The following TMCC1 variants were observed in gnomAD, a reference collection of about 807,000 sequenced individuals.
TMCC1 encodes the protein transmembrane and coiled-coil domains protein 1.
TMCC1 carries 15 observed loss-of-function variants against 52.4 expected under a neutral mutation model. The observed-to-expected ratio is 0.29, with a 90% CI of 0.19 to 0.44. The LOEUF (loss-of-function observed/expected upper bound fraction) is 0.44. Among genes scored for constraint, TMCC1 ranks in the 20% least tolerant of loss-of-function variants. The probability of loss-of-function intolerance (pLI) is 1.00; values close to 1 mark genes in which losing one functional copy is unlikely to be tolerated. For missense variants in TMCC1, 503 were observed against 806.0 expected (o/e 0.62, Z 4.55); for synonymous variants, 279 against 301.9 (o/e 0.92, Z 0.79).
chr3:129,655,225 C>G lies in TMCC1; in HGVS notation c.1512-122G>C, dbSNP rs994908938. On this transcript the variant is annotated intron_variant, in intron 5 of 6. Coordinates refer to ENST00000393238, the MANE Select transcript of TMCC1 (RefSeq NM_001017395.5). ...ATAGAAGCACAAAGAAATTGAGTGG[C>G]CTGGGTTAACAGGGTGTGCCAGTGG... 3.2e-6 allele frequency: 4 copies of G among 1,245,414 alleles called. No homozygotes were observed. The African/African-American group carries it at 6.0e-5, about 19-fold the overall frequency. 77.1% of individuals were successfully genotyped at this position (1,245,414 alleles called of 1,614,324 possible). A position where few individuals can be genotyped will look rare whatever the true frequency, so the allele number is the denominator to read the frequency against.
intron 4 of TMCC1, among the ~76,000 whole-genome samples, chr3:129,822,316 T>G (rs1417115028): frequency 6.6e-6 from 1 of 152,186 alleles, no homozygotes; most frequent in Non-Finnish European, 1.5e-5. Flanking sequence ...GGCACATGCC[T>G]ATAGTCCTAG....
chr3:129,712,609 A>G (rs911892410), intron 4 of TMCC1, among the ~76,000 whole-genome samples: 2 of 151,938 alleles, frequency 1.3e-5, no homozygotes, highest in African/African-American at 2.4e-5. Context: ...TACCATGCCC[A>G]GCTAATTAAA....
chr3:129,715,547 C>G (rs146559115), intron 4 of TMCC1, among the ~76,000 whole-genome samples: 3 of 152,284 alleles, frequency 2.0e-5, no homozygotes, highest in Non-Finnish European at 2.9e-5. Flanking sequence ...CTCAAACAAA[C>G]AAACAAACAA....
At chr3:129,808,718 C>G (rs1300281898) in intron 4 of TMCC1, among the ~76,000 whole-genome samples, 2 of 149,532 alleles carry the variant, frequency 1.3e-5, no homozygotes, top group African/African-American at 4.9e-5. Context: ...TGAAATATAA[C>G]TAAAATTTTA....
intron 4 of TMCC1, among the ~76,000 whole-genome samples, chr3:129,770,652 AAAAT>A (rs1480176236): frequency 6.6e-6 from 1 of 152,098 alleles, no homozygotes; most frequent in African/African-American, 2.4e-5. Flanking sequence ...AAAATAAAAT[AAAAT>A]AGATAAAATG....
intron 2 of TMCC1, among the ~76,000 whole-genome samples, chr3:129,864,548 G>A (rs908390192): frequency 3.9e-5 from 6 of 152,170 alleles, no homozygotes; most frequent in African/African-American, 1.4e-4. Flanking sequence ...CCAGCACTCT[G>A]GGAGGCTGAG....
rs149487248 is a variant in TMCC1, at chr3:129,869,334, T to C, written c.-184+10975A>G. ...TAGCTTGCCCTATGTATTTATTTCATTTAGCTGTTCCTGAGTTGTACCCTT... is the reference window on the plus strand; with the variant it reads ...TAGCTTGCCCTATGTATTTATTTCACTTAGCTGTTCCTGAGTTGTACCCTT... On this transcript the variant is annotated intron_variant, in intron 2 of 6. Transcript: ENST00000393238. Among the ~76,000 whole-genome samples the C allele has an allele frequency of 4.6e-5, 7 of 152,318 alleles. No individual in the cohort carries two copies. The East Asian group carries it at 1.3e-3, about 29-fold the overall frequency.
chr3:129,859,866 A>G (rs1364746325), intron 2 of TMCC1, among the ~76,000 whole-genome samples: 1 of 152,128 alleles, frequency 6.6e-6, no homozygotes, highest in African/African-American at 2.4e-5. Context: ...TATATGTTTA[A>G]ACTTAAAAAT....
chr3:129,755,321 G>T (rs893618983), intron 4 of TMCC1, among the ~76,000 whole-genome samples: 1 of 151,998 alleles, frequency 6.6e-6, no homozygotes, highest in African/African-American at 2.4e-5. Flanking sequence ...GTAATAAATT[G>T]TACATGTACC....
chr3:129,788,387 G>A (rs923334295), intron 4 of TMCC1, among the ~76,000 whole-genome samples: 1 of 152,056 alleles, frequency 6.6e-6, no homozygotes, highest in Non-Finnish European at 1.5e-5. Flanking sequence ...ATTTCCTATA[G>A]GGAGGTCATT....
At position 129,827,836 on chromosome 3, in the gene TMCC1, TGCAGCA is replaced by T. The variant is rs759420997; in HGVS notation, c.537_542del (p.Ala180_Ala181del). The T allele has an allele frequency of 2.5e-6, 4 of 1,601,136 alleles. No homozygotes were observed. Among genetic ancestry groups the T allele is most frequent in the South Asian group, 1.1e-5 (1 of 89,970 alleles). Reference sequence around the variant, plus strand: ...CAGTTCCCTCCTCTCCTGGTAGACATGCAGCAGCAGCAGCAGCAGCAGCACAAGCTA... The same window carrying T: ...CAGTTCCCTCCTCTCCTGGTAGACATGCAGCAGCAGCAGCAGCACAAGCTA... On this transcript the variant is annotated inframe_deletion, in exon 4 of 7. Transcript: ENST00000393238.
intron 4 of TMCC1, chr3:129,688,647 C>T (rs1194941929): frequency 2.0e-6 from 2 of 985,376 alleles, no homozygotes; most frequent in Non-Finnish European, 2.4e-6. Flanking sequence ...TAGGAGAACT[C>T]TGTGCTGAAT....
chr3:129,680,854 G>A (rs923079875), intron 4 of TMCC1, among the ~76,000 whole-genome samples: 1 of 151,036 alleles, frequency 6.6e-6, no homozygotes, highest in Non-Finnish European at 1.5e-5. Context: ...GAGCTGAGAT[G>A]GAACCACTGC....
At chr3:129,669,846 C>T (rs2087772302) in intron 5 of TMCC1, among the ~76,000 whole-genome samples, 1 of 152,150 alleles carries the variant, frequency 6.6e-6, no homozygotes, top group Non-Finnish European at 1.5e-5. Flanking sequence ...TGTTTAAGTC[C>T]ACTCTCATTC....
At chr3:129,840,050 G>A (rs1308283700) in intron 2 of TMCC1, among the ~76,000 whole-genome samples, 7 of 149,014 alleles carry the variant, frequency 4.7e-5, no homozygotes, top group African/African-American at 1.5e-4. Flanking sequence ...AGACCAGGCC[G>A]GGTGTAATGG....
Position 129,753,947 on chromosome 3 carries a change from C to CAAA in TMCC1, c.576+73853_576+73855dup, listed in dbSNP as rs140879279. 6.1e-4 allele frequency among the ~76,000 whole-genome samples: 83 copies of CAAA among 136,420 alleles called. 1 individual carries two copies. Among genetic ancestry groups the CAAA allele is most frequent in the African/African-American group, 2.1e-3 (79 of 37,928 alleles). 89.5% of individuals were successfully genotyped at this position (136,420 alleles called of 152,430 possible). ...CTGTCTAGAAAATGCTAAGAATCTA[C>CAAA]AAAAAAAAAAAAATCCCCCAAACAA... On this transcript the variant is annotated intron_variant, in intron 4 of 6. Coordinates refer to ENST00000393238, the MANE Select transcript of TMCC1 (RefSeq NM_001017395.5).
intron 4 of TMCC1, among the ~76,000 whole-genome samples, chr3:129,726,910 C>T (rs2050153105): frequency 2.2e-5 from 1 of 45,632 alleles, no homozygotes; most frequent in Non-Finnish European, 5.7e-5. Flanking sequence ...AACCACTGTT[C>T]AAACCAAACA....
rs188655450 is a variant in TMCC1, at chr3:129,713,700, G to A, written c.577-42436C>T. Reference sequence around the variant, plus strand: ...TAAATAGCCACTGACAACACAGTGAGACCCCCATCTCAAAAAAAAAAAAAA... The same window carrying A: ...TAAATAGCCACTGACAACACAGTGAAACCCCCATCTCAAAAAAAAAAAAAA... On this transcript the variant is annotated intron_variant, in intron 4 of 6. Transcript: ENST00000393238. Among the ~76,000 whole-genome samples, 3 of 134,130 alleles carry A rather than the reference G, an allele frequency of 2.2e-5. No homozygotes were observed. In the East Asian group the frequency reaches 6.4e-4, roughly 29 times the overall value. 88.0% of individuals were successfully genotyped at this position (134,130 alleles called of 152,430 possible).
intron 4 of TMCC1, among the ~76,000 whole-genome samples, chr3:129,696,188 G>A (rs1159806020): frequency 6.6e-6 from 1 of 152,154 alleles, no homozygotes. Flanking sequence ...TTGTCTCTAA[G>A]GGCAGCTACT....
Sources: allele counts gnomAD v4.1 joint callset (sites outside exome capture counted in the v4.1 genomes callset), GRCh38; gene constraint gnomAD v4.1.1; transcripts MANE v1.5; gene names NCBI Gene and HGNC (gene_info 2026-07-23, HGNC 2026-07-21).